The following CADM1 variants were observed in gnomAD, a reference collection of about 807,000 sequenced individuals.
CADM1 encodes cell adhesion molecule 1.
CADM1 carries 15 observed loss-of-function variants against 53.1 expected under a neutral mutation model. The observed-to-expected ratio is 0.28, with a 90% CI of 0.19 to 0.44. The LOEUF is 0.44. Ranked by LOEUF, CADM1 falls within the 20% of genes least tolerant of loss-of-function variation. The pLI is 1.00. For missense variants in CADM1, 434 were observed against 611.3 expected (o/e 0.71, Z 3.06); for synonymous variants, 281 against 243.0 (o/e 1.16, Z -1.45).
chr11:115,253,259 G>C (rs1942664880), intron 1 of CADM1, among the ~76,000 whole-genome samples: 1 of 152,212 alleles, frequency 6.6e-6, no homozygotes, highest in Non-Finnish European at 1.5e-5. Flanking sequence ...GTCCTCTGCT[G>C]TTTCCCTCGA....
intron 1 of CADM1, among the ~76,000 whole-genome samples, chr11:115,252,325 T>C (rs1300689088): frequency 6.6e-6 from 1 of 152,234 alleles, no homozygotes; most frequent in Non-Finnish European, 1.5e-5. Context: ...TTCTCTTCCA[T>C]ATTCTTCATC....
rs566166194 is a variant in CADM1, at chr11:115,322,217, C to A, written c.125-81797G>T. Among the ~76,000 whole-genome samples the A allele has an allele frequency of 1.0e-3, 157 of 152,238 alleles. 1 individual carries two copies. The highest frequency in any genetic ancestry group is 8.5e-4 in the Admixed American group (13 of 15,290). ...TTCCACACACTGTAACAAGACCACT[C>A]GTGAATTTGTTTGTTCAATCATCCA... is the stretch of plus-strand genomic sequence containing the variant. On this transcript the variant is annotated intron_variant, in intron 1 of 11. Transcript: ENST00000331581.
intron 1 of CADM1, chr11:115,445,883 A>G (rs1355175010): frequency 5.3e-6 from 2 of 378,996 alleles, no homozygotes; most frequent in Non-Finnish European, 1.1e-5. Flanking sequence ...CAATTATAAC[A>G]ATGTACTGCT....
intron 9 of CADM1, among the ~76,000 whole-genome samples, chr11:115,196,319 C>T (rs1230031738): frequency 1.3e-5 from 2 of 152,054 alleles, no homozygotes; most frequent in Non-Finnish European, 2.9e-5. Flanking sequence ...GATTAGGGGA[C>T]AAATTTCCTA....
intron 1 of CADM1, among the ~76,000 whole-genome samples, chr11:115,435,444 G>A (rs1008844886): frequency 2.6e-5 from 4 of 152,076 alleles, no homozygotes; most frequent in South Asian, 2.1e-4. Context: ...AATAAAAGTT[G>A]TATTGGGGCT....
In CADM1 at chr11:115,444,685, A is replaced by G. The variant is rs145527190; in HGVS notation, c.124+59586T>C. On this transcript the variant is annotated intron_variant, in intron 1 of 11. Coordinates refer to ENST00000331581, the MANE Select transcript of CADM1 (RefSeq NM_001301043.2). ...CAACTTCTGGGAAGTCAATAATGTA[A>G]TCTGAGACTAGGCCATTGGTCCCAT... Among the ~76,000 whole-genome samples, 39 of 152,330 alleles carry G rather than the reference A, an allele frequency of 2.6e-4. No individual in the cohort carries two copies. In the East Asian group the frequency reaches 6.6e-3, roughly 26 times the overall value.
intron 1 of CADM1, among the ~76,000 whole-genome samples, chr11:115,464,395 T>C (rs1023284027): frequency 1.3e-5 from 2 of 152,214 alleles, no homozygotes; most frequent in African/African-American, 4.8e-5. Flanking sequence ...TTATGTAGTG[T>C]ACTGCACGTT....
intron 1 of CADM1, among the ~76,000 whole-genome samples, chr11:115,298,465 T>G (rs1361697745): frequency 1.3e-5 from 2 of 152,142 alleles, no homozygotes; most frequent in Non-Finnish European, 2.9e-5. Context: ...GGTGAATGCC[T>G]CAGTAAATCA....
In CADM1 at chr11:115,420,531, G is replaced by A. The variant is rs186655932; in HGVS notation, c.124+83740C>T. Among the ~76,000 whole-genome samples the A allele has an allele frequency of 8.5e-5, 13 of 152,148 alleles. No individual in the cohort carries two copies. The East Asian group carries it at 9.6e-4, about 11-fold the overall frequency. ...TCCACCCTCCTCATCCATTGGTTAC[G>A]ATGGTGTCCAAAGACACATTCACCA... is the stretch of plus-strand genomic sequence containing the variant. On this transcript the variant is annotated intron_variant, in intron 1 of 11. Transcript: ENST00000331581.
intron 1 of CADM1, among the ~76,000 whole-genome samples, chr11:115,363,413 G>T (rs1386036829): frequency 6.6e-6 from 1 of 152,132 alleles, no homozygotes; most frequent in Non-Finnish European, 1.5e-5. Flanking sequence ...AAAGAAAATA[G>T]TTCCCTCTCT....
At chr11:115,334,380 TC>T (rs1408021883) in intron 1 of CADM1, among the ~76,000 whole-genome samples, 1 of 151,760 alleles carries the variant, frequency 6.6e-6, no homozygotes, top group Non-Finnish European at 1.5e-5. Flanking sequence ...GATACAGTAG[TC>T]CCCCCCTTAT....
At chr11:115,238,787 A>G (rs1420224433) in intron 2 of CADM1, 135 bp from the exon 3 acceptor site, 1 of 855,622 alleles carries the variant, frequency 1.2e-6, no homozygotes, top group Non-Finnish European at 1.9e-6. Context: ...AACTTCATGT[A>G]GACAAATAAC....
At chr11:115,463,641 T>C (rs1232528492) in intron 1 of CADM1, among the ~76,000 whole-genome samples, 2 of 152,256 alleles carry the variant, frequency 1.3e-5, no homozygotes, top group Non-Finnish European at 2.9e-5. Context: ...TATGAAAGGT[T>C]ATGTTTTCAT....
chr11:115,473,682 A>G (rs900227858), intron 1 of CADM1, among the ~76,000 whole-genome samples: 1 of 152,226 alleles, frequency 6.6e-6, no homozygotes, highest in Non-Finnish European at 1.5e-5. Flanking sequence ...TTATACAAAA[A>G]GTAACTCAAG....
chr11:115,336,487 G>T (rs187718727), intron 1 of CADM1, among the ~76,000 whole-genome samples: 1 of 152,044 alleles, frequency 6.6e-6, no homozygotes, highest in Non-Finnish European at 1.5e-5. Flanking sequence ...GAACAAGTGG[G>T]AACTCCTAAT....
intron 1 of CADM1, among the ~76,000 whole-genome samples, chr11:115,472,381 T>C (rs1949034680): frequency 6.6e-6 from 1 of 152,122 alleles, no homozygotes; most frequent in African/African-American, 2.4e-5. Context: ...AGGAAGAGCA[T>C]ATATTAGAAC....
intron 10 of CADM1, among the ~76,000 whole-genome samples, chr11:115,188,126 A>C (rs936973895): frequency 6.6e-6 from 1 of 152,220 alleles, no homozygotes. Context: ...TGCTGAAGGG[A>C]GAGAGGCAGT....
intron 1 of CADM1, among the ~76,000 whole-genome samples, chr11:115,347,429 A>C (rs1446573562): frequency 6.6e-6 from 1 of 152,174 alleles, no homozygotes; most frequent in African/African-American, 2.4e-5. Flanking sequence ...GTCCATTTTA[A>C]TATTAGCATC....
intron 1 of CADM1, among the ~76,000 whole-genome samples, chr11:115,408,997 C>T (rs1947386803): frequency 6.7e-6 from 1 of 149,982 alleles, no homozygotes; most frequent in African/African-American, 2.5e-5. Flanking sequence ...CACAGTGTCA[C>T]ATGTCACACA....
Sources: allele counts gnomAD v4.1 joint callset (sites outside exome capture counted in the v4.1 genomes callset), GRCh38; gene constraint gnomAD v4.1.1; transcripts MANE v1.5; gene names NCBI Gene and HGNC (gene_info 2026-07-23, HGNC 2026-07-21).